CRIM1: variants seen among roughly 807,000 people sequenced by gnomAD.
The protein encoded by CRIM1 is cysteine rich transmembrane BMP regulator 1.
CRIM1 carries 32 observed loss-of-function variants against 116.4 expected under a neutral mutation model. That is an observed-to-expected ratio of 0.27 (90% CI 0.21 to 0.37). CRIM1 has a LOEUF of 0.37. Among genes scored for constraint, CRIM1 ranks in the 10% least tolerant of loss-of-function variants. The probability of loss-of-function intolerance (pLI) is 1.00; values close to 1 mark genes in which losing one functional copy is unlikely to be tolerated. For missense variants in CRIM1, 1,331 were observed against 1,354.8 expected (o/e 0.98, Z 0.28); for synonymous variants, 590 against 509.2 (o/e 1.16, Z -2.13).
chr2:36,394,937 A>G (rs1400237853), intron 1 of CRIM1, among the ~76,000 whole-genome samples: 2 of 151,594 alleles, frequency 1.3e-5, no homozygotes, highest in African/African-American at 2.4e-5. Flanking sequence ...CTTTTACTTC[A>G]CTTACGTACT....
At chr2:36,363,380 T>G (rs1015164890) in intron 1 of CRIM1, among the ~76,000 whole-genome samples, 2 of 152,110 alleles carry the variant, frequency 1.3e-5, no homozygotes, top group African/African-American at 4.8e-5. Context: ...CTAACAAGGC[T>G]ACTAACCAGT....
chr2:36,457,478 C>G (rs1351814088), intron 4 of CRIM1, among the ~76,000 whole-genome samples: 1 of 152,110 alleles, frequency 6.6e-6, no homozygotes, highest in Non-Finnish European at 1.5e-5. Context: ...AGTGTGATCC[C>G]CAGGGCAGGG....
chr2:36,416,962 G>T (rs1172944890), intron 2 of CRIM1, among the ~76,000 whole-genome samples: 1 of 152,202 alleles, frequency 6.6e-6, no homozygotes, highest in Non-Finnish European at 1.5e-5. Flanking sequence ...TCCTCAGCAT[G>T]TTGGAGGTGT....
At chr2:36,468,995 A>C (rs147584132) in intron 5 of CRIM1, among the ~76,000 whole-genome samples, 137 of 152,366 alleles carry the variant, frequency 9.0e-4, no homozygotes, top group African/African-American at 3.1e-3. Context: ...ATTAGTCTAT[A>C]GTATTGTTAT....
intron 4 of CRIM1, among the ~76,000 whole-genome samples, chr2:36,443,509 A>G (rs1447609144): frequency 6.6e-6 from 1 of 152,230 alleles, no homozygotes; most frequent in Non-Finnish European, 1.5e-5. Context: ...TTGCAGGTCA[A>G]CAAGCCATCT....
At chr2:36,399,956 T>G (rs1253370752) in intron 2 of CRIM1, among the ~76,000 whole-genome samples, 3 of 152,186 alleles carry the variant, frequency 2.0e-5, no homozygotes, top group African/African-American at 4.8e-5. Context: ...TACTTGAGGT[T>G]AGTGGTTATG....
rs148382505 is a variant in CRIM1, at chr2:36,412,674, G to T, written c.505+15887G>T. ...TAAAACAAATGAATTTTAAATAGTG[G>T]CCCATTTGCTATATGTTAAATTTGA... On this transcript the variant is annotated intron_variant, in intron 2 of 16. Transcript: ENST00000280527. Among the ~76,000 whole-genome samples, 1,426 of 152,044 alleles carry T rather than the reference G, an allele frequency of 9.4e-3. 22 individuals carry two copies. The highest frequency in any genetic ancestry group is 0.033 in the African/African-American group (1,365 of 41,452).
chr2:36,400,859 A>C (rs774294511), intron 2 of CRIM1, among the ~76,000 whole-genome samples: 2 of 152,110 alleles, frequency 1.3e-5, no homozygotes, highest in Non-Finnish European at 2.9e-5. Flanking sequence ...ATGATGGATG[A>C]CCTGGCGAAT....
chr2:36,399,413 G>A (rs996395910), intron 2 of CRIM1, among the ~76,000 whole-genome samples: 4 of 152,176 alleles, frequency 2.6e-5, no homozygotes, highest in Admixed American at 1.3e-4. Flanking sequence ...GTGGCAGCAG[G>A]AAAACAGCAA....
intron 9 of CRIM1, among the ~76,000 whole-genome samples, chr2:36,511,530 A>G (rs1664680581): frequency 6.6e-6 from 1 of 152,210 alleles, no homozygotes; most frequent in Non-Finnish European, 1.5e-5. Flanking sequence ...GGTAGCTTCA[A>G]CCACTTGCTA....
At chr2:36,405,640 C>T (rs17480064) in intron 2 of CRIM1, among the ~76,000 whole-genome samples, 6,941 of 152,266 alleles carry the variant, frequency 0.046, 220 homozygotes, top group Non-Finnish European at 0.064. Context: ...TTATGTGAAT[C>T]GACTTCGCTG....
intron 2 of CRIM1, among the ~76,000 whole-genome samples, chr2:36,434,397 G>A (rs573678968): frequency 3.3e-5 from 5 of 152,330 alleles, no homozygotes; most frequent in African/African-American, 9.6e-5. Context: ...TACCAGCAAC[G>A]CCGAGTAGGA....
At chr2:36,533,665 A>G (rs995710585) in intron 13 of CRIM1, among the ~76,000 whole-genome samples, 2 of 152,172 alleles carry the variant, frequency 1.3e-5, no homozygotes, top group Non-Finnish European at 2.9e-5. Flanking sequence ...TCTTTCTCAT[A>G]ATATCATTTT....
intron 2 of CRIM1, among the ~76,000 whole-genome samples, chr2:36,429,139 A>G (rs1674679021): frequency 6.6e-6 from 1 of 152,234 alleles, no homozygotes; most frequent in Admixed American, 6.5e-5. Flanking sequence ...GTGGAGCCCA[A>G]TCCCCATAAC....
chr2:36,363,276 T>A (rs1438771803), intron 1 of CRIM1, among the ~76,000 whole-genome samples: 1 of 151,894 alleles, frequency 6.6e-6, no homozygotes, highest in Non-Finnish European at 1.5e-5. Context: ...AGTTTTCTCA[T>A]CTGTGTAGTC....
intron 2 of CRIM1, among the ~76,000 whole-genome samples, chr2:36,439,633 C>G (rs1319666443): frequency 6.6e-6 from 1 of 152,104 alleles, no homozygotes; most frequent in Non-Finnish European, 1.5e-5. Context: ...ATGCTCTTCT[C>G]CAAAGTATCT....
intron 2 of CRIM1, among the ~76,000 whole-genome samples, chr2:36,408,277 G>A (rs1034932254): frequency 2.0e-5 from 3 of 152,202 alleles, no homozygotes; most frequent in African/African-American, 4.8e-5. Context: ...CCTTAGCAGG[G>A]TGACATGTTC....
At chr2:36,508,383 T>C (rs1283459687) in intron 8 of CRIM1, among the ~76,000 whole-genome samples, 1 of 152,230 alleles carries the variant, frequency 6.6e-6, no homozygotes, top group East Asian at 1.9e-4. Flanking sequence ...ATTTCACCTA[T>C]TCATTGTAGT....
chr2:36,544,880 C>T (rs545639720), intron 15 of CRIM1, among the ~76,000 whole-genome samples: 1 of 152,166 alleles, frequency 6.6e-6, no homozygotes, highest in Non-Finnish European at 1.5e-5. Flanking sequence ...CTTGTAGATT[C>T]CGCACTGAGC....
Sources: allele counts gnomAD v4.1 joint callset (sites outside exome capture counted in the v4.1 genomes callset), GRCh38; gene constraint gnomAD v4.1.1; transcripts MANE v1.5; gene names NCBI Gene and HGNC (gene_info 2026-07-23, HGNC 2026-07-21).